BANP: variants seen among roughly 807,000 people sequenced by gnomAD.
BANP encodes protein BANP.
BANP carries 11 observed loss-of-function variants against 68.1 expected under a neutral mutation model. The ratio of observed to expected loss-of-function variants is 0.16; its 90% CI spans 0.10 to 0.27. The LOEUF (loss-of-function observed/expected upper bound fraction) is 0.27. Among genes scored for constraint, BANP ranks in the 10% least tolerant of loss-of-function variants. BANP has a pLI of 1.00. For missense variants in BANP, 504 were observed against 722.7 expected (o/e 0.70, Z 3.47); for synonymous variants, 329 against 303.2 (o/e 1.09, Z -0.88).
In BANP at chr16:88,057,323, A is replaced by C. The variant is rs1415437767; in HGVS notation, c.1312-7944A>C. On this transcript the variant is annotated intron_variant, in intron 11 of 13. Transcript: ENST00000682872. The surrounding 1 kb of genome is among the most constrained non-coding windows in gnomAD (Gnocchi z 4.6). ...TGGATGTGTAGACTCTTTTGCCCCA[A>C]GAATTATCTTCTGGAAGGCTACCAG... is the stretch of plus-strand genomic sequence containing the variant. 6.6e-6 allele frequency among the ~76,000 whole-genome samples: 1 copy of C among 151,998 alleles called. No individual in the cohort carries two copies. The highest frequency in any genetic ancestry group is 1.5e-5 in the Non-Finnish European group (1 of 68,002).
chr16:87,994,752 T>C (rs1304356767), intron 4 of BANP, among the ~76,000 whole-genome samples: 1 of 152,114 alleles, frequency 6.6e-6, no homozygotes, highest in Non-Finnish European at 1.5e-5. Context: ...CTGGGCAGCA[T>C]AGTGAGACCC....
chr16:88,045,458 G>A (rs2081794167), intron 11 of BANP, among the ~76,000 whole-genome samples: 1 of 152,242 alleles, frequency 6.6e-6, no homozygotes, highest in African/African-American at 2.4e-5. Context: ...CTCAGCAGGA[G>A]CAGCCCTTGG....
intron 2 of BANP, chr16:87,980,658 G>A (rs1240441821): frequency 1.8e-5 from 4 of 219,370 alleles, no homozygotes; most frequent in Admixed American, 1.1e-4. Context: ...ATTTTGGAAT[G>A]AGGTGACCAA....
At chr16:88,076,342 T>G (rs2091600488) in intron 13 of BANP, among the ~76,000 whole-genome samples, 1 of 115,108 alleles carries the variant, frequency 8.7e-6, no homozygotes, top group Non-Finnish European at 1.9e-5. Context: ...ACGGAGTCCA[T>G]GTCGGGGGCG....
intron 13 of BANP, among the ~76,000 whole-genome samples, chr16:88,076,112 G>A (rs1189968936): frequency 1.3e-5 from 2 of 152,168 alleles, no homozygotes; most frequent in African/African-American, 2.4e-5. Flanking sequence ...TCTGTAACTC[G>A]TTGACCAGAA....
At chr16:87,963,032 G>A (rs926793260) in intron 1 of BANP, among the ~76,000 whole-genome samples, 16 of 152,172 alleles carry the variant, frequency 1.1e-4, no homozygotes, top group Non-Finnish European at 2.1e-4. Flanking sequence ...CGTTTCGGGA[G>A]ATTTAGCTTT....
intron 9 of BANP, 26 bp downstream of exon 9, chr16:88,033,271 TTGG>T (rs1567819179): frequency 6.6e-7 from 1 of 1,525,986 alleles, no homozygotes; most frequent in Non-Finnish European, 8.9e-7. Flanking sequence ...ACCTCACACC[TTGG>T]GAAAGGGGGC....
intron 11 of BANP, among the ~76,000 whole-genome samples, chr16:88,047,832 A>ACC: frequency 6.6e-6 from 1 of 152,352 alleles, no homozygotes; most frequent in African/African-American, 2.4e-5. Flanking sequence ...GCAGTAATGC[A>ACC]CCCAAATGTT....
At chr16:88,046,796 G>C (rs2082118296) in intron 11 of BANP, among the ~76,000 whole-genome samples, 1 of 152,094 alleles carries the variant, frequency 6.6e-6, no homozygotes, top group Non-Finnish European at 1.5e-5. Flanking sequence ...GCCGGGCACG[G>C]TGCTTCACGC....
intron 7 of BANP, among the ~76,000 whole-genome samples, chr16:88,021,180 T>C (rs971734395): frequency 3.3e-5 from 5 of 152,214 alleles, no homozygotes; most frequent in Non-Finnish European, 7.3e-5. Flanking sequence ...TCCAGACAGC[T>C]GAGGTCATTG....
intron 7 of BANP, among the ~76,000 whole-genome samples, chr16:88,019,742 C>G (rs1335689975): frequency 1.4e-5 from 2 of 144,564 alleles, no homozygotes; most frequent in Non-Finnish European, 3.1e-5. Flanking sequence ...GCGTGCAGGG[C>G]CAGCTGTTCC....
chr16:88,031,827 C>T (rs929552529), intron 8 of BANP, among the ~76,000 whole-genome samples: 3 of 137,854 alleles, frequency 2.2e-5, no homozygotes, highest in Non-Finnish European at 4.7e-5. Context: ...CCCGTCCCTT[C>T]CCCCGCTCGC....
At position 87,951,491 on chromosome 16, in the gene BANP, C is replaced by G. The variant is rs1332995092; in HGVS notation, c.-93C>G. 1 of 152,594 alleles carries G rather than the reference C, an allele frequency of 6.6e-6. No individual in the cohort carries two copies. The highest frequency in any genetic ancestry group is 2.4e-5 in the African/African-American group (1 of 41,396). The allele number at this position is 152,594 out of a possible 1,614,324, so 9.5% of individuals were successfully genotyped here. On this transcript the variant is annotated 5_prime_UTR_variant, in exon 1 of 14. Transcript: ENST00000682872. ...CATTATCGCATCTCCCCGACAAACA[C>G]CACGAGAATTCCGCAGCCCACACGG...
chr16:87,963,514 C>T (rs1018870373), intron 1 of BANP: 7 of 152,316 alleles, frequency 4.6e-5, no homozygotes, highest in East Asian at 1.9e-4. Context: ...GTCAGAGCCC[C>T]GCTCTGGGAG....
At chr16:88,060,842 T>C (rs1441502552) in intron 11 of BANP, among the ~76,000 whole-genome samples, 1 of 151,980 alleles carries the variant, frequency 6.6e-6, no homozygotes, top group East Asian at 1.9e-4. Context: ...TTCTTCCCAC[T>C]CTTCGTCGTC....
At chr16:88,038,384 G>A (rs186437196) in intron 11 of BANP, among the ~76,000 whole-genome samples, 8 of 152,260 alleles carry the variant, frequency 5.3e-5, no homozygotes, top group South Asian at 2.1e-4. Flanking sequence ...GGCCTGGAAG[G>A]GGGGAGGGCA....
In BANP at chr16:88,039,323, C is replaced by T. The variant is rs554234309; in HGVS notation, c.1311+1312C>T. Among the ~76,000 whole-genome samples, 18 of 144,716 alleles carry T rather than the reference C, an allele frequency of 1.2e-4. No homozygotes were observed. The East Asian group carries it at 2.3e-3, about 18-fold the overall frequency. The allele number at this position is 144,716 out of a possible 152,430, so 94.9% of individuals were successfully genotyped here. A position where few individuals can be genotyped will look rare whatever the true frequency, so the allele number is the denominator to read the frequency against. Reference sequence around the variant, plus strand: ...TCACTCCACTGGGGTAATGAGGCTGCGGTCGGCGCAGTGCAGGTCAGTTCT... The same window carrying T: ...TCACTCCACTGGGGTAATGAGGCTGTGGTCGGCGCAGTGCAGGTCAGTTCT... On this transcript the variant is annotated intron_variant, in intron 11 of 13. Coordinates refer to ENST00000682872, the MANE Select transcript of BANP (RefSeq NM_001386991.1).
chr16:87,966,564 A>G (rs1170587132), intron 1 of BANP: 3 of 152,196 alleles, frequency 2.0e-5, no homozygotes, highest in Non-Finnish European at 4.4e-5. Flanking sequence ...ATTTTGAGTA[A>G]ACAACTCGAA....
intron 2 of BANP, among the ~76,000 whole-genome samples, chr16:87,977,926 C>T (rs1013605793): frequency 6.6e-6 from 1 of 152,152 alleles, no homozygotes; most frequent in African/African-American, 2.4e-5. Flanking sequence ...ACCTTTGTCT[C>T]CTGGATTCAA....
Sources: gnomAD v4.1 joint callset for allele counts (sites outside exome capture counted in the v4.1 genomes callset) on GRCh38, gnomAD v4.1.1 for gene constraint, Gnocchi (gnomAD v3.1) non-coding constraint, MANE v1.5 for transcripts, NCBI Gene and HGNC (gene_info 2026-07-23, HGNC 2026-07-21) for gene names.